TTC39B: variants seen among roughly 807,000 people sequenced by gnomAD.
TTC39B encodes tetratricopeptide repeat protein 39B.
Under a neutral mutation model 96.6 loss-of-function variants are expected in TTC39B, and 92 were observed. The ratio of observed to expected loss-of-function variants is 0.95; its 90% CI spans 0.80 to 1.13. TTC39B has a LOEUF of 1.13. TTC39B is among the 50% of genes most tolerant of loss of function. TTC39B has a pLI of 0.00. For missense variants in TTC39B, 955 were observed against 809.3 expected, an observed-to-expected ratio of 1.18 and a Z score of -2.18; for synonymous variants, 367 against 299.4, an observed-to-expected ratio of 1.23 and a Z score of -2.33.
chr9:15,234,101 G>C lies in TTC39B; in HGVS notation c.276-8089C>G, dbSNP rs550857747. Among the ~76,000 whole-genome samples, 70 of 151,288 alleles carry C rather than the reference G, an allele frequency of 4.6e-4. 1 individual carries two copies. The highest frequency in any genetic ancestry group is 1.2e-3 in the African/African-American group (49 of 41,056). ...CCGGCCGCGACCCCATCTGGGAGGT[G>C]AGGAGTGTCTCTGCCCGGCCGCCCC... On this transcript the variant is annotated intron_variant, in intron 2 of 19. Coordinates refer to ENST00000512701, the Ensembl canonical transcript of TTC39B.
exon 4 of TTC39B, chr9:15,214,197 C>A: frequency 2.5e-6 from 4 of 1,614,002 alleles, no homozygotes; most frequent in Non-Finnish European, 2.5e-6. Flanking sequence ...AAGTTCAATG[C>A]CACAGCACAT....
At chr9:15,213,666 A>G (rs1287450046) in intron 4 of TTC39B, among the ~76,000 whole-genome samples, 1 of 152,200 alleles carries the variant, frequency 6.6e-6, no homozygotes, top group African/African-American at 2.4e-5. Flanking sequence ...ACATCTGAAA[A>G]CTTAACAGGT....
At chr9:15,265,342 G>A (rs1411911331) in intron 2 of TTC39B, among the ~76,000 whole-genome samples, 1 of 152,208 alleles carries the variant, frequency 6.6e-6, no homozygotes, top group Non-Finnish European at 1.5e-5. Flanking sequence ...CCACTGGTCA[G>A]TGAGACCCGT....
rs779854942 is a variant in TTC39B, at chr9:15,268,032, G to A, written c.241-84C>T. 41 of 1,260,412 alleles carry A rather than the reference G, an allele frequency of 3.3e-5. No homozygotes were observed. The East Asian group carries it at 4.4e-4, about 14-fold the overall frequency. The allele number at this position is 1,260,412 out of a possible 1,614,324, so 78.1% of individuals were successfully genotyped here. On this transcript the variant is annotated intron_variant, in intron 1 of 19. Transcript: ENST00000512701. The stretch of plus-strand genomic sequence containing the variant: ...ATTCTAAAAGAGAAAATGAATACAC[G>A]CATTGGGGAGAGTGGTCCTGGCAGG...
Position 15,175,263 on chromosome 9 carries a change from C to A in TTC39B, c.1842-128G>T, listed in dbSNP as rs1174542899. ...AAGTCTATTATCATAGAAAGGCGGC[C>A]ATTGTATAGTTATGGAACTCATTAA... is the stretch of plus-strand genomic sequence containing the variant. On this transcript the variant is annotated intron_variant, in intron 18 of 19. Transcript: ENST00000512701. The A allele has an allele frequency of 4.7e-6, 3 of 635,296 alleles. No individual in the cohort carries two copies. The East Asian group carries it at 8.3e-5, about 18-fold the overall frequency. 39.4% of individuals were successfully genotyped at this position (635,296 alleles called of 1,614,324 possible). A position where few individuals can be genotyped will look rare whatever the true frequency, so the allele number is the denominator to read the frequency against.
chr9:15,207,677 G>C (rs1013425295), intron 6 of TTC39B, among the ~76,000 whole-genome samples: 1 of 151,998 alleles, frequency 6.6e-6, no homozygotes, highest in Non-Finnish European at 1.5e-5. Context: ...GCACATACAG[G>C]ATGCTTTTTA....
chr9:15,277,219 G>A (rs983536627), intron 1 of TTC39B, among the ~76,000 whole-genome samples: 5 of 152,020 alleles, frequency 3.3e-5, no homozygotes, highest in Non-Finnish European at 5.9e-5. Flanking sequence ...ACCTGAGGTC[G>A]GGAGTTCAAG....
chr9:15,217,021 T>C (rs1368285580), intron 3 of TTC39B, among the ~76,000 whole-genome samples: 1 of 152,046 alleles, frequency 6.6e-6, no homozygotes, highest in Non-Finnish European at 1.5e-5. Flanking sequence ...CCAATTGCTG[T>C]ATAATGGAGC....
chr9:15,166,101 A>C (rs1471509577), exon 20 of TTC39B: 1 of 152,218 alleles, frequency 6.6e-6, no homozygotes, highest in Non-Finnish European at 1.5e-5. Flanking sequence ...AGCACCCCTT[A>C]AATTTGTTGT....
Position 15,276,272 on chromosome 9 carries a change from C to T in TTC39B, c.241-8324G>A, listed in dbSNP as rs115372100. On this transcript the variant is annotated intron_variant, in intron 1 of 19. Coordinates refer to ENST00000512701, the Ensembl canonical transcript of TTC39B. ...CAGCATGGGAGGGCCAGATACAACACGAGTGTGCTTCAGGCCTGCTGTTCA... is the reference window on the plus strand; with the variant it reads ...CAGCATGGGAGGGCCAGATACAACATGAGTGTGCTTCAGGCCTGCTGTTCA... 3.2e-3 allele frequency among the ~76,000 whole-genome samples: 480 copies of T among 152,304 alleles called. 1 individual carries two copies. Among genetic ancestry groups the T allele is most frequent in the African/African-American group, 0.011 (448 of 41,570 alleles).
At chr9:15,220,533 A>G (rs1047175914) in intron 3 of TTC39B, among the ~76,000 whole-genome samples, 1 of 152,242 alleles carries the variant, frequency 6.6e-6, no homozygotes, top group Non-Finnish European at 1.5e-5. Flanking sequence ...TATGAGCATC[A>G]GAAAAGATAA....
chr9:15,177,825 AAAACATACAAAG>A lies in TTC39B; in HGVS notation c.1724-23_1724-12del. On this transcript the variant is annotated splice_polypyrimidine_tract_variant and intron_variant, in intron 17 of 19. Coordinates refer to ENST00000512701, the Ensembl canonical transcript of TTC39B. ...AGAAGCTGTTAAAATCTTAAAACAA[AAAACATACAAAG>A]AAAACACACAAAGAAAAATACTTTT... 1 of 1,525,374 alleles carries A rather than the reference AAAACATACAAAG, an allele frequency of 6.6e-7. No homozygotes were observed. Among genetic ancestry groups the A allele is most frequent in the African/African-American group, 1.4e-5 (1 of 71,598 alleles). 94.5% of individuals were successfully genotyped at this position (1,525,374 alleles called of 1,614,324 possible). A position where few individuals can be genotyped will look rare whatever the true frequency, so the allele number is the denominator to read the frequency against.
chr9:15,275,460 G>C (rs1188293559), intron 1 of TTC39B, among the ~76,000 whole-genome samples: 2 of 152,180 alleles, frequency 1.3e-5, no homozygotes, highest in Non-Finnish European at 2.9e-5. Flanking sequence ...GTAGAAACTG[G>C]GGATATGGAG....
chr9:15,299,877 A>G (rs1824522398), intron 1 of TTC39B, among the ~76,000 whole-genome samples: 1 of 152,174 alleles, frequency 6.6e-6, no homozygotes, highest in Non-Finnish European at 1.5e-5. Context: ...CTGCAGAAGC[A>G]TATGTGTTAC....
chr9:15,229,423 T>C (rs1035910951), intron 2 of TTC39B, among the ~76,000 whole-genome samples: 1 of 152,244 alleles, frequency 6.6e-6, no homozygotes, highest in Non-Finnish European at 1.5e-5. Context: ...ACCTATACTC[T>C]GTAAAATTAT....
chr9:15,180,464 T>C (rs779282324), intron 17 of TTC39B, among the ~76,000 whole-genome samples: 3 of 152,244 alleles, frequency 2.0e-5, no homozygotes, highest in Non-Finnish European at 4.4e-5. Flanking sequence ...CAAAGTTCTA[T>C]CTTTTGTATC....
At chr9:15,249,768 A>G (rs2131501336) in intron 2 of TTC39B, 1 of 512,992 alleles carries the variant, frequency 1.9e-6, no homozygotes, top group African/African-American at 2.1e-5. Context: ...AATGAAGACA[A>G]TGTCATCTAA....
intron 6 of TTC39B, among the ~76,000 whole-genome samples, chr9:15,209,815 C>A (rs1396356601): frequency 1.3e-5 from 2 of 152,026 alleles, no homozygotes; most frequent in Admixed American, 6.5e-5. Flanking sequence ...TGTAGGACAA[C>A]ACCTATTATG....
chr9:15,244,305 C>T (rs774227709), intron 2 of TTC39B, among the ~76,000 whole-genome samples: 3 of 152,210 alleles, frequency 2.0e-5, no homozygotes, highest in African/African-American at 7.2e-5. Context: ...ATGACTGGAG[C>T]GTGATTTAGG....
Sources: allele counts gnomAD v4.1 joint callset (sites outside exome capture counted in the v4.1 genomes callset), GRCh38; gene constraint gnomAD v4.1.1; transcripts MANE v1.5; gene names NCBI Gene and HGNC (gene_info 2026-07-23, HGNC 2026-07-21).